ZNF804B: variants seen among roughly 807,000 people sequenced by gnomAD.
The protein encoded by ZNF804B is zinc finger protein 804B, also known as zinc finger 804B.
Under a neutral mutation model 101.4 loss-of-function variants are expected in ZNF804B, and 80 were observed. The observed-to-expected ratio is 0.79, with a 90% confidence interval of 0.66 to 0.95. The LOEUF is 0.95. ZNF804B is among the 40% of genes least tolerant of loss of function. ZNF804B has a pLI of 0.00. For missense variants in ZNF804B, 1,673 were observed against 1,561.9 expected (o/e 1.07, Z -1.20); for synonymous variants, 622 against 558.8 (o/e 1.11, Z -1.59).
intron 1 of ZNF804B, among the ~76,000 whole-genome samples, chr7:88,777,041 A>G (rs1790152130): frequency 3.9e-5 from 6 of 152,112 alleles, no homozygotes; most frequent in Admixed American, 3.9e-4. Flanking sequence ...AAGTGGTATA[A>G]GCAGTATTAT....
rs190819903 is a variant in ZNF804B at position 88,868,144 on chromosome 7, G to C, written c.108+108060G>C. ...ATGACAAGATGTTTTGGAATACCAA[G>C]GTCCTCTATATTTCAATGTCGAAGG... On this transcript the variant is annotated intron_variant, in intron 1 of 3. Transcript: ENST00000333190. Among the ~76,000 whole-genome samples the C allele has an allele frequency of 2.4e-4, 37 of 151,400 alleles. No homozygotes were observed. The East Asian group carries it at 6.6e-3, about 27-fold the overall frequency.
intron 1 of ZNF804B, among the ~76,000 whole-genome samples, chr7:88,861,508 A>G (rs6962263): frequency 0.29 from 44,205 of 152,048 alleles, 8,017 homozygotes; most frequent in African/African-American, 0.52. Flanking sequence ...AGGGTGCTTA[A>G]GATTTCATAC....
intron 1 of ZNF804B, among the ~76,000 whole-genome samples, chr7:88,811,803 C>T (rs1319323695): frequency 1.3e-5 from 2 of 151,894 alleles, no homozygotes; most frequent in African/African-American, 4.8e-5. Flanking sequence ...AGGGGAATAA[C>T]ACACACTAGG....
chr7:89,143,979 A>T (rs1305592811), intron 1 of ZNF804B, among the ~76,000 whole-genome samples: 1 of 151,978 alleles, frequency 6.6e-6, no homozygotes, highest in African/African-American at 2.4e-5. Flanking sequence ...CTCCAATAAT[A>T]TTAGCTACAT....
chr7:89,310,143 A>T (rs1435305546), intron 2 of ZNF804B, among the ~76,000 whole-genome samples: 2 of 151,918 alleles, frequency 1.3e-5, no homozygotes, highest in African/African-American at 4.8e-5. Context: ...CCTTCATGGA[A>T]TGCAGTTCTG....
intron 2 of ZNF804B, among the ~76,000 whole-genome samples, chr7:89,264,558 C>T (rs13224900): frequency 0.12 from 18,546 of 152,112 alleles, 1,214 homozygotes; most frequent in Middle Eastern, 0.26. Flanking sequence ...TCTTCTGTTT[C>T]TTCTGATTGA....
intron 1 of ZNF804B, among the ~76,000 whole-genome samples, chr7:88,930,401 C>T (rs1792865107): frequency 6.6e-6 from 1 of 151,916 alleles, no homozygotes; most frequent in African/African-American, 2.4e-5. Flanking sequence ...TAAAAGGCAA[C>T]CTACTTCATC....
At chr7:89,055,964 A>G (rs1173269207) in intron 1 of ZNF804B, among the ~76,000 whole-genome samples, 2 of 152,100 alleles carry the variant, frequency 1.3e-5, no homozygotes, top group Non-Finnish European at 2.9e-5. Flanking sequence ...TGATGAGATC[A>G]CTTAGGGTGA....
chr7:89,177,299 G>A (rs1246498871), intron 1 of ZNF804B, among the ~76,000 whole-genome samples: 2 of 152,032 alleles, frequency 1.3e-5, no homozygotes, highest in Non-Finnish European at 2.9e-5. Flanking sequence ...GTATCTCACA[G>A]GTATTGGTGT....
chr7:89,216,064 G>C (rs1415060419), intron 1 of ZNF804B, among the ~76,000 whole-genome samples: 1 of 152,160 alleles, frequency 6.6e-6, no homozygotes, highest in East Asian at 1.9e-4. Flanking sequence ...AGTGCTTTGG[G>C]AGGCCGCGGC....
chr7:89,295,539 A>G (rs542454809), intron 2 of ZNF804B, among the ~76,000 whole-genome samples: 2 of 152,236 alleles, frequency 1.3e-5, no homozygotes, highest in African/African-American at 4.8e-5. Flanking sequence ...CAAAACAATC[A>G]ATCTGCTAAT....
intron 2 of ZNF804B, among the ~76,000 whole-genome samples, chr7:89,250,491 C>T (rs1789521385): frequency 6.6e-6 from 1 of 152,126 alleles, no homozygotes; most frequent in Non-Finnish European, 1.5e-5. Context: ...GATGGATTCA[C>T]AGCAGAATTC....
At chr7:88,893,081 G>T (rs1162081116) in intron 1 of ZNF804B, among the ~76,000 whole-genome samples, 2 of 152,032 alleles carry the variant, frequency 1.3e-5, no homozygotes, top group Admixed American at 6.6e-5. Flanking sequence ...TGAGGTTCCA[G>T]ATTTTGCTTC....
chr7:88,853,137 C>T (rs1264998637), intron 1 of ZNF804B, among the ~76,000 whole-genome samples: 1 of 152,122 alleles, frequency 6.6e-6, no homozygotes, highest in Non-Finnish European at 1.5e-5. Context: ...GAATTGGTGT[C>T]TCTGTTAAAA....
chr7:88,787,769 C>T (rs1034496847), intron 1 of ZNF804B, among the ~76,000 whole-genome samples: 1 of 152,110 alleles, frequency 6.6e-6, no homozygotes, highest in African/African-American at 2.4e-5. Flanking sequence ...GGTTTCAGTT[C>T]AGCAATTTGA....
intron 1 of ZNF804B, among the ~76,000 whole-genome samples, chr7:89,007,572 T>C: frequency 7.7e-6 from 1 of 129,944 alleles, no homozygotes; most frequent in African/African-American, 2.9e-5. Context: ...ATTATAATTA[T>C]ATATAATATA....
intron 1 of ZNF804B, among the ~76,000 whole-genome samples, chr7:88,871,924 C>T (rs367672950): frequency 2.1e-4 from 32 of 151,974 alleles, no homozygotes; most frequent in South Asian, 1.5e-3. Context: ...GCCAAGATTG[C>T]GCCATTACAC....
chr7:89,066,954 T>A (rs1343800896), intron 1 of ZNF804B, among the ~76,000 whole-genome samples: 1 of 151,904 alleles, frequency 6.6e-6, no homozygotes, highest in Non-Finnish European at 1.5e-5. Context: ...TATATAAGTA[T>A]ATATATATCT....
At chr7:89,180,484 C>G (rs1172810350) in intron 1 of ZNF804B, among the ~76,000 whole-genome samples, 1 of 152,034 alleles carries the variant, frequency 6.6e-6, no homozygotes, top group Admixed American at 6.6e-5. Flanking sequence ...AATGCATATT[C>G]AAGACCCAAG....
Sources: allele counts gnomAD v4.1 joint callset (sites outside exome capture counted in the v4.1 genomes callset), GRCh38; gene constraint gnomAD v4.1.1; transcripts MANE v1.5; gene names NCBI Gene and HGNC (gene_info 2026-07-23, HGNC 2026-07-21).